ELAPOR2: variants seen among roughly 807,000 people sequenced by gnomAD.
The protein encoded by ELAPOR2 is endosome/lysosome-associated apoptosis and autophagy regulator family member 2.
ELAPOR2 carries 89 observed loss-of-function variants against 120.7 expected under a neutral mutation model. That is an observed-to-expected ratio of 0.74 (90% CI 0.62 to 0.88). The LOEUF is 0.88. Ranked by LOEUF, ELAPOR2 falls within the 40% of genes least tolerant of loss-of-function variation. The pLI is 0.00. For synonymous variants in ELAPOR2, 444 were observed against 444.9 expected, an observed-to-expected ratio of 1.00 and a Z score of 0.03; for missense variants, 1,134 against 1,251.6, an observed-to-expected ratio of 0.91 and a Z score of 1.42.
At chr7:86,938,534 G>A (rs1412186535) in intron 7 of ELAPOR2, among the ~76,000 whole-genome samples, 2 of 152,010 alleles carry the variant, frequency 1.3e-5, no homozygotes, top group East Asian at 1.9e-4. Flanking sequence ...AACAAATCAT[G>A]TAAAAGTATA....
At chr7:86,893,132 A>G (rs1788260235) in intron 19 of ELAPOR2, 32 bp from the exon 20 acceptor site, 1 of 1,479,826 alleles carries the variant, frequency 6.8e-7, no homozygotes, top group Admixed American at 2.6e-5. Context: ...ACCATAGAAG[A>G]CATGAGAAAT....
rs761977586 is a variant in ELAPOR2, at chr7:86,913,063, G to C, written c.1873C>G (p.His625Asp). The C allele has an allele frequency of 1.9e-6, 3 of 1,614,060 alleles. No individual in the cohort carries two copies. The highest frequency in any genetic ancestry group is 1.1e-5 in the South Asian group (1 of 91,066). The change falls in exon 14 of 22, where the codon CAC (histidine) becomes GAC (aspartate). Residue 625 changes from histidine (H) to aspartate (D), a missense_variant. Physicochemically the swap from His to Asp is moderately conservative, Grantham distance 81 (BLOSUM62 -1). Around this residue, in one of 3 missense-constraint regions of ELAPOR2, gnomAD observed 831 missense variants for 867.6 expected, o/e 0.96. Coordinates refer to ENST00000450689, the MANE Select transcript of ELAPOR2 (RefSeq NM_001142749.3). ...TGGTTGGTTTCTTTCTCAATGTAGT[G>C]GCCTGGAGGGCAGGGGACACACGAT... ...GSSCVPCPPG[H>D]YIEKETNQCK... is the part of the protein sequence containing the mutation.
intron 1 of ELAPOR2, among the ~76,000 whole-genome samples, chr7:87,029,217 CA>C (rs1376555580): frequency 1.3e-5 from 2 of 151,976 alleles, no homozygotes; most frequent in Admixed American, 6.6e-5. Flanking sequence ...GTAACTAGGC[CA>C]GGGGTAAACA....
At chr7:87,018,841 A>C (rs568907252) in intron 1 of ELAPOR2, among the ~76,000 whole-genome samples, 46 of 152,210 alleles carry the variant, frequency 3.0e-4, no homozygotes, top group Non-Finnish European at 3.4e-4. Context: ...AGTTAACTGT[A>C]GTTTTTTTAT....
intron 1 of ELAPOR2, among the ~76,000 whole-genome samples, chr7:87,048,716 T>C (rs1046581964): frequency 6.6e-6 from 1 of 152,206 alleles, no homozygotes; most frequent in African/African-American, 2.4e-5. Flanking sequence ...ATTGCATGCC[T>C]GTATCAAAAC....
intron 1 of ELAPOR2, 21 bp from the exon 2 acceptor site, chr7:86,965,045 A>T: frequency 6.4e-7 from 1 of 1,551,352 alleles, no homozygotes; most frequent in South Asian, 1.2e-5. Context: ...TCACAAAAAC[A>T]AGCCTTTGTT....
intron 1 of ELAPOR2, among the ~76,000 whole-genome samples, chr7:86,974,475 A>G (rs1004655005): frequency 5.3e-5 from 8 of 152,162 alleles, no homozygotes; most frequent in Non-Finnish European, 1.2e-4. Flanking sequence ...AAGATTTCAT[A>G]TAGTCCATTT....
chr7:87,030,829 G>C (rs113769717), intron 1 of ELAPOR2, among the ~76,000 whole-genome samples: 3,685 of 152,198 alleles, frequency 0.024, 170 homozygotes, highest in African/African-American at 0.085. Flanking sequence ...TTACCCCATG[G>C]TGTTGATGAA....
At chr7:86,993,714 T>C (rs150809790) in intron 1 of ELAPOR2, among the ~76,000 whole-genome samples, 1 of 152,350 alleles carries the variant, frequency 6.6e-6, no homozygotes, top group African/African-American at 2.4e-5. Context: ...CACTTGCTGA[T>C]CATTCCAAAT....
intron 1 of ELAPOR2, 40 bp downstream of exon 1, chr7:87,059,284 TC>T: frequency 8.0e-7 from 1 of 1,244,492 alleles, no homozygotes; most frequent in East Asian, 3.2e-5. Context: ...TTCCGCGCCC[TC>T]CCCCAGCAAA....
Position 86,897,529 on chromosome 7 carries a change from C to G in ELAPOR2, c.2662G>C (p.Gly888Arg), listed in dbSNP as rs146943040. 12 of 1,612,764 alleles carry G rather than the reference C, an allele frequency of 7.4e-6. No individual in the cohort carries two copies. The highest frequency in any genetic ancestry group is 9.3e-6 in the Non-Finnish European group (11 of 1,179,336). ...CTEHDFHEIE[G>R]ACKRGFQETL... ...ACCTGAAATCCTCTCTTGCAGGCTC[C>G]CTCAATCTCATGGAAGTCATGCTCC... is the stretch of plus-strand genomic sequence containing the variant. The change falls in exon 19 of 22, where the codon GGA becomes CGA. Residue 888 changes from glycine (G) to arginine (R), a missense_variant. This residue lies in a region of ELAPOR2 where 831 missense variants were observed against 867.6 expected (regional missense o/e 0.96). Transcript: ENST00000450689.
chr7:87,032,259 T>C (rs925256740), intron 1 of ELAPOR2, among the ~76,000 whole-genome samples: 1 of 152,294 alleles, frequency 6.6e-6, no homozygotes, highest in Admixed American at 6.5e-5. Context: ...GAATATCACT[T>C]TAAAGCAGCA....
At position 86,947,873 on chromosome 7, in the gene ELAPOR2, G is replaced by A. The variant is rs1379340226; in HGVS notation, c.360C>T (p.Cys120=). The change falls in exon 3 of 22, where the codon TGC becomes TGT. Residue 120 remains cysteine, a synonymous_variant. Transcript: ENST00000450689. ...AATAGGTGCCTTCACCACACTTACT[G>A]CATACCTGGTTCTTCATTTCTAGAT... is the stretch of plus-strand genomic sequence containing the variant. ...GEYLEMKNQV[C]SKCGEGTYSL... 6 of 1,552,144 alleles carry A rather than the reference G, an allele frequency of 3.9e-6. No individual in the cohort carries two copies. In the East Asian group the frequency reaches 1.5e-4, roughly 38 times the overall value.
At chr7:86,885,672 C>T (rs554358202) in intron 21 of ELAPOR2, among the ~76,000 whole-genome samples, 12 of 152,158 alleles carry the variant, frequency 7.9e-5, no homozygotes, top group Non-Finnish European at 1.2e-4. Flanking sequence ...GTTGCAGGCA[C>T]TCAAGTCACC....
intron 19 of ELAPOR2, 23 bp from the exon 20 acceptor site, chr7:86,893,123 C>A (rs762426259): frequency 1.8e-5 from 26 of 1,480,736 alleles, no homozygotes; most frequent in Non-Finnish European, 2.3e-5. Flanking sequence ...AAACATAAAA[C>A]CATAGAAGAC....
chr7:86,988,278 T>C (rs565822418), intron 1 of ELAPOR2, among the ~76,000 whole-genome samples: 3 of 152,118 alleles, frequency 2.0e-5, no homozygotes, highest in Non-Finnish European at 4.4e-5. Flanking sequence ...GCAGACCAGC[T>C]GTATATGTAT....
chr7:86,893,684 G>A (rs1788299290), intron 19 of ELAPOR2, among the ~76,000 whole-genome samples: 1 of 151,964 alleles, frequency 6.6e-6, no homozygotes, highest in African/African-American at 2.4e-5. Flanking sequence ...GCCAAAATAA[G>A]GAGGGCATTA....
chr7:86,936,146 G>A (rs929283992), intron 8 of ELAPOR2, among the ~76,000 whole-genome samples: 2 of 151,926 alleles, frequency 1.3e-5, no homozygotes, highest in African/African-American at 2.4e-5. Context: ...TGAACAACCC[G>A]AGAAACATCA....
chr7:87,041,846 T>G (rs1487352391), intron 1 of ELAPOR2, among the ~76,000 whole-genome samples: 1 of 151,848 alleles, frequency 6.6e-6, no homozygotes, highest in Non-Finnish European at 1.5e-5. Context: ...GACCCATCAG[T>G]GTGCTGTATT....
Sources: allele counts gnomAD v4.1 joint callset (sites outside exome capture counted in the v4.1 genomes callset), GRCh38; gene constraint gnomAD v4.1.1; regional missense constraint gnomAD v4.1.1; transcripts MANE v1.5; gene names NCBI Gene and HGNC (gene_info 2026-07-23, HGNC 2026-07-21).